The following NBAS variants were observed in gnomAD, a reference collection of about 807,000 sequenced individuals.
The protein encoded by NBAS is NAG/BC035112 fusion.
NBAS carries 219 observed loss-of-function variants against 302.5 expected under a neutral mutation model. The ratio of observed to expected loss-of-function variants is 0.72; its 90% CI spans 0.65 to 0.81. The LOEUF (loss-of-function observed/expected upper bound fraction) is 0.81, where lower values mean the gene tolerates loss of function less well. NBAS is among the 30% of genes least tolerant of loss of function. The pLI, the probability that NBAS is intolerant of heterozygous loss-of-function variation, is 0.00. For synonymous variants in NBAS, 1,118 were observed against 1,021.6 expected, an observed-to-expected ratio of 1.09 and a Z score of -1.80; for missense variants, 2,932 against 2,841.6, an observed-to-expected ratio of 1.03 and a Z score of -0.72.
At position 15,218,907 on chromosome 2, in the gene NBAS, C is replaced by T. The variant is rs551847563; in HGVS notation, c.6298G>A (p.Ala2100Thr). 41 of 1,614,254 alleles carry T rather than the reference C, an allele frequency of 2.5e-5. No homozygotes were observed. The highest frequency in any genetic ancestry group is 8.3e-5 in the Admixed American group (5 of 60,030). The stretch of plus-strand genomic sequence containing the variant: ...TGAATGCGGGGCCGCACCGGCCAGG[C>T]GTCATCAGCACAGAAAGGCCGCAGC... ...EWLRPFCADDAWPVRPRIHVL... is the reference protein window; with the variant it reads ...EWLRPFCADDTWPVRPRIHVL... Residue 2100 changes from alanine (A) to threonine (T), a missense_variant, in exon 48 of 52, where the codon GCC (alanine) becomes ACC (threonine). Coordinates refer to ENST00000281513, the MANE Select transcript of NBAS (RefSeq NM_015909.4).
chr2:15,558,539 G>A, intron 2 of NBAS, 41 bp downstream of exon 2: 1 of 1,541,222 alleles, frequency 6.5e-7, no homozygotes, highest in South Asian at 1.1e-5. Context: ...CATTTTAACT[G>A]TTAACCATAT....
the NBAS span, among the ~76,000 whole-genome samples, chr2:15,055,717 G>A: frequency 6.6e-6 from 1 of 152,188 alleles, no homozygotes; most frequent in East Asian, 1.9e-4. Flanking sequence ...CACATAGGGA[G>A]AGGAACAAGT....
intron 36 of NBAS, among the ~76,000 whole-genome samples, chr2:15,330,011 A>C (rs1672249830): frequency 6.6e-6 from 1 of 152,216 alleles, no homozygotes; most frequent in Non-Finnish European, 1.5e-5. Context: ...CCCAGTGATT[A>C]GGACATTTGA....
the NBAS span, among the ~76,000 whole-genome samples, chr2:14,823,862 A>G: frequency 3.3e-5 from 5 of 152,214 alleles, no homozygotes; most frequent in South Asian, 1.0e-3. Flanking sequence ...AAATGTAAAC[A>G]TTTTCCAGCA....
At chr2:15,176,954 G>A (rs1394704360) in intron 51 of NBAS, among the ~76,000 whole-genome samples, 1 of 152,126 alleles carries the variant, frequency 6.6e-6, no homozygotes, top group African/African-American at 2.4e-5. Flanking sequence ...TAGCCTCTGG[G>A]GACTGCAAAA....
At chr2:15,419,335 ATGTG>A (rs55830610) in intron 23 of NBAS, among the ~76,000 whole-genome samples, 1,725 of 150,074 alleles carry the variant, frequency 0.011, 17 homozygotes, top group African/African-American at 0.027. Context: ...ATACATATAT[ATGTG>A]TGTGTGTGTG....
chr2:15,115,533 A>G, the NBAS span, among the ~76,000 whole-genome samples: 1 of 152,238 alleles, frequency 6.6e-6, no homozygotes, highest in African/African-American at 2.4e-5. Context: ...ACTGAGTCTC[A>G]CTCTGTTGCC....
chr2:15,553,940 A>G, intron 4 of NBAS, 121 bp downstream of exon 4: 1 of 884,920 alleles, frequency 1.1e-6, no homozygotes, highest in East Asian at 2.6e-5. Context: ...TATTTGCAAC[A>G]AAGAAATTTA....
At chr2:14,995,941 C>T in the NBAS span, among the ~76,000 whole-genome samples, 1 of 152,066 alleles carries the variant, frequency 6.6e-6, no homozygotes, top group East Asian at 1.9e-4. Flanking sequence ...TATCATGCTC[C>T]CCTCTTCCCC....
At chr2:15,345,904 G>A (rs1407455270) in intron 35 of NBAS, among the ~76,000 whole-genome samples, 1 of 152,168 alleles carries the variant, frequency 6.6e-6, no homozygotes, top group Non-Finnish European at 1.5e-5. Context: ...AAGAAATGGG[G>A]AAAGGATTTC....
At chr2:15,354,806 T>C (rs1023988696) in intron 33 of NBAS, among the ~76,000 whole-genome samples, 1 of 152,188 alleles carries the variant, frequency 6.6e-6, no homozygotes, top group Non-Finnish European at 1.5e-5. Flanking sequence ...AAAATCCTAC[T>C]AAGTCAGTTT....
chr2:15,154,064 G>A, the NBAS span, among the ~76,000 whole-genome samples: 1 of 152,156 alleles, frequency 6.6e-6, no homozygotes, highest in African/African-American at 2.4e-5. Context: ...TGGCATGTAG[G>A]GCACAGATTA....
At chr2:15,188,782 A>C (rs1665207010) in intron 49 of NBAS, among the ~76,000 whole-genome samples, 1 of 152,244 alleles carries the variant, frequency 6.6e-6, no homozygotes, top group Non-Finnish European at 1.5e-5. Flanking sequence ...CAGTGTTCTA[A>C]AAGTAAAAGA....
the NBAS span, among the ~76,000 whole-genome samples, chr2:15,083,611 T>C: frequency 1.3e-5 from 2 of 152,214 alleles, no homozygotes; most frequent in Admixed American, 6.5e-5. Flanking sequence ...TTCTTACAGG[T>C]AAAGCCTGCT....
chr2:15,321,166 T>C (rs1671787994), intron 38 of NBAS, among the ~76,000 whole-genome samples: 2 of 152,194 alleles, frequency 1.3e-5, no homozygotes, highest in South Asian at 4.2e-4. Context: ...ATTTAACAAA[T>C]GGTGCTTGGA....
rs540385794 is a variant in NBAS at position 15,437,254 on chromosome 2, A to G, written c.2340-9460T>C. Among the ~76,000 whole-genome samples, 9 of 152,294 alleles carry G rather than the reference A, an allele frequency of 5.9e-5. No homozygotes were observed. In the South Asian group the frequency reaches 1.9e-3, roughly 32 times the overall value. On this transcript the variant is annotated intron_variant, in intron 21 of 51. Coordinates refer to ENST00000281513, the MANE Select transcript of NBAS (RefSeq NM_015909.4). The stretch of plus-strand genomic sequence containing the variant: ...GTTCCAGCTACTGGGGAGGCTGAGC[A>G]GAAGGATCACTCGTGCCCAGGAGTT...
the NBAS span, among the ~76,000 whole-genome samples, chr2:14,959,886 C>T: frequency 2.0e-5 from 3 of 152,314 alleles, no homozygotes; most frequent in African/African-American, 7.2e-5. Context: ...ATTTTTTCCA[C>T]ACTGGAATTT....
the NBAS span, among the ~76,000 whole-genome samples, chr2:14,867,109 A>G: frequency 6.6e-6 from 1 of 152,274 alleles, no homozygotes; most frequent in South Asian, 2.1e-4. Flanking sequence ...AAACAAAACC[A>G]CCTATTGGGT....
At chr2:14,895,343 A>T in the NBAS span, among the ~76,000 whole-genome samples, 1 of 152,240 alleles carries the variant, frequency 6.6e-6, no homozygotes, top group East Asian at 1.9e-4. Context: ...AACCTAGAAA[A>T]AAAACTCTTC....
Sources: allele counts gnomAD v4.1 joint callset (sites outside exome capture counted in the v4.1 genomes callset), GRCh38; gene constraint gnomAD v4.1.1; transcripts MANE v1.5; gene names NCBI Gene and HGNC (gene_info 2026-07-23, HGNC 2026-07-21).